MAPRE2: variants seen among roughly 807,000 people sequenced by gnomAD.
The protein encoded by MAPRE2 is microtubule associated protein RP/EB family member 2.
A neutral mutation model predicts 43.2 loss-of-function variants in MAPRE2; 13 were observed. The ratio of observed to expected loss-of-function variants is 0.30; its 90% CI spans 0.20 to 0.48. MAPRE2 has a LOEUF of 0.48. Ranked by LOEUF, MAPRE2 falls within the 20% of genes least tolerant of loss-of-function variation. The pLI, the probability that MAPRE2 is intolerant of heterozygous loss-of-function variation, is 0.99. For synonymous variants in MAPRE2, 135 were observed against 148.8 expected (o/e 0.91, Z 0.68); for missense variants, 161 against 400.2 (o/e 0.40, Z 5.10).
In MAPRE2 at chr18:35,106,159, C is replaced by T. The variant is rs182005548; in HGVS notation, c.610+4000C>T. Among the ~76,000 whole-genome samples, 202 of 152,228 alleles carry T rather than the reference C, an allele frequency of 1.3e-3. 2 individuals are homozygous for T. Among genetic ancestry groups the T allele is most frequent in the Admixed American group, 6.4e-3 (97 of 15,268 alleles). On this transcript the variant is annotated intron_variant, in intron 4 of 6. Transcript: ENST00000300249. ...GTGTTGCCAGGTCACTAACATGTAG[C>T]AGTAATTTTGTTCCCACCTCTAAGC... is the stretch of plus-strand genomic sequence containing the variant.
At chr18:35,061,024 C>A (rs1373786999) in intron 1 of MAPRE2, among the ~76,000 whole-genome samples, 1 of 151,942 alleles carries the variant, frequency 6.6e-6, no homozygotes, top group East Asian at 1.9e-4. Context: ...GGGATGGGCA[C>A]CCTGAAAAAG....
chr18:35,053,766 C>T (rs534918821), intron 1 of MAPRE2, among the ~76,000 whole-genome samples: 38 of 152,120 alleles, frequency 2.5e-4, no homozygotes, highest in Non-Finnish European at 5.3e-4. Flanking sequence ...AAGAGAACAA[C>T]AGGCATTGGG....
chr18:35,125,406 T>A (rs562899658), intron 4 of MAPRE2, among the ~76,000 whole-genome samples: 1 of 152,380 alleles, frequency 6.6e-6, no homozygotes, highest in East Asian at 1.9e-4. Context: ...AAAGTTTTAT[T>A]TACTTGTTTA....
intron 1 of MAPRE2, among the ~76,000 whole-genome samples, chr18:34,981,890 T>TTTA (rs1555909266): frequency 1.4e-4 from 19 of 140,242 alleles, no homozygotes; most frequent in African/African-American, 4.8e-4. Flanking sequence ...TTTATTTATT[T>TTTA]TTTTTTTTTT....
chr18:35,017,252 T>G (rs1300592323), intron 2 of MAPRE2, among the ~76,000 whole-genome samples: 12 of 150,872 alleles, frequency 8.0e-5, no homozygotes, highest in Middle Eastern at 3.4e-3. Flanking sequence ...TTGTTTTTTT[T>G]TTTTTTTTTT....
At chr18:35,096,266 T>C (rs1022766836) in intron 2 of MAPRE2, among the ~76,000 whole-genome samples, 1 of 152,126 alleles carries the variant, frequency 6.6e-6, no homozygotes, top group Non-Finnish European at 1.5e-5. Context: ...GAGCACATCA[T>C]AGAGAGAGAC....
intron 4 of MAPRE2, among the ~76,000 whole-genome samples, chr18:35,106,411 G>C (rs545481340): frequency 1.3e-5 from 2 of 152,114 alleles, no homozygotes; most frequent in African/African-American, 4.8e-5. Flanking sequence ...CAAACATTTT[G>C]TATGACAGAG....
chr18:35,012,303 T>G (rs1002122805), intron 2 of MAPRE2, among the ~76,000 whole-genome samples: 3 of 152,166 alleles, frequency 2.0e-5, no homozygotes, highest in Non-Finnish European at 2.9e-5. Flanking sequence ...ATTACAGCTT[T>G]GAGGGTCACT....
At chr18:35,130,565 T>C (rs1249646460) in intron 5 of MAPRE2, among the ~76,000 whole-genome samples, 3 of 152,102 alleles carry the variant, frequency 2.0e-5, no homozygotes, top group Non-Finnish European at 4.4e-5. Flanking sequence ...CCCAGAATTA[T>C]TAGAAGGAGA....
intron 4 of MAPRE2, among the ~76,000 whole-genome samples, chr18:35,125,284 T>C (rs946158391): frequency 9.9e-5 from 15 of 152,240 alleles, no homozygotes; most frequent in African/African-American, 3.6e-4. Flanking sequence ...GGTTGAAACT[T>C]GTAACTGCTG....
chr18:35,066,668 T>C (rs1031517190), intron 1 of MAPRE2, among the ~76,000 whole-genome samples: 2 of 152,248 alleles, frequency 1.3e-5, no homozygotes, highest in Non-Finnish European at 2.9e-5. Context: ...TGGATGGCAG[T>C]GCAGGAATAG....
At chr18:34,979,810 G>C (rs1268401934) in intron 1 of MAPRE2, among the ~76,000 whole-genome samples, 7 of 152,000 alleles carry the variant, frequency 4.6e-5, no homozygotes, top group Non-Finnish European at 1.0e-4. Context: ...CTTTAAAACT[G>C]TCATCCCAAA....
At chr18:35,046,361 G>A (rs2150601702) in intron 1 of MAPRE2, among the ~76,000 whole-genome samples, 1 of 152,244 alleles carries the variant, frequency 6.6e-6, no homozygotes, top group South Asian at 2.1e-4. Context: ...TGCATTTCCT[G>A]AACCCCCAGT....
intron 2 of MAPRE2, among the ~76,000 whole-genome samples, chr18:35,030,582 C>G (rs1382809872): frequency 6.6e-6 from 1 of 152,198 alleles, no homozygotes; most frequent in Admixed American, 6.5e-5. Context: ...TAAAGTACCT[C>G]CTCATTGTTA....
At chr18:34,993,163 G>C (rs1411507198) in intron 1 of MAPRE2, among the ~76,000 whole-genome samples, 1 of 151,624 alleles carries the variant, frequency 6.6e-6, no homozygotes, top group African/African-American at 2.4e-5. Flanking sequence ...GGATTGCAGT[G>C]ATACAGACAT....
intron 1 of MAPRE2, among the ~76,000 whole-genome samples, chr18:34,992,937 G>A (rs1049313151): frequency 6.6e-6 from 1 of 152,258 alleles, no homozygotes; most frequent in African/African-American, 2.4e-5. Flanking sequence ...CAAATAAAGA[G>A]TCCATATATC....
intron 2 of MAPRE2, among the ~76,000 whole-genome samples, chr18:35,006,061 A>G (rs2097031729): frequency 6.6e-6 from 1 of 152,198 alleles, no homozygotes; most frequent in African/African-American, 2.4e-5. Flanking sequence ...AGATGCAATC[A>G]TTTTGACCTT....
intron 1 of MAPRE2, among the ~76,000 whole-genome samples, chr18:35,044,045 C>T (rs1387487918): frequency 6.6e-6 from 1 of 152,076 alleles, no homozygotes; most frequent in Non-Finnish European, 1.5e-5. Flanking sequence ...AAAGTTTTGC[C>T]TTGGCTATAG....
chr18:35,023,182 G>C (rs1009609546), intron 2 of MAPRE2, among the ~76,000 whole-genome samples: 1 of 152,120 alleles, frequency 6.6e-6, no homozygotes, highest in Non-Finnish European at 1.5e-5. Context: ...TATACATTCT[G>C]TTCCTCAATT....
Sources: gnomAD v4.1 joint callset for allele counts (sites outside exome capture counted in the v4.1 genomes callset) on GRCh38, gnomAD v4.1.1 for gene constraint, MANE v1.5 for transcripts, NCBI Gene and HGNC (gene_info 2026-07-23, HGNC 2026-07-21) for gene names.